IQCH: variants seen among roughly 807,000 people sequenced by gnomAD.
The protein encoded by IQCH is IQ domain-containing protein H.
IQCH carries 98 observed loss-of-function variants against 117.0 expected under a neutral mutation model. The observed-to-expected ratio is 0.84, with a 90% CI of 0.71 to 0.99. The LOEUF (loss-of-function observed/expected upper bound fraction) is 0.99, where lower values mean the gene tolerates loss of function less well. Ranked by LOEUF, IQCH falls within the 50% of genes least tolerant of loss-of-function variation. The probability of loss-of-function intolerance (pLI) is 0.00; values close to 1 mark genes in which losing one functional copy is unlikely to be tolerated. For missense variants in IQCH, 1,102 were observed against 1,243.8 expected (o/e 0.89, Z 1.72); for synonymous variants, 412 against 448.2 (o/e 0.92, Z 1.02).
rs754328443 is a variant in IQCH, at chr15:67,388,870, T to C, written c.1496T>C (p.Met499Thr). 206 of 1,613,772 alleles carry C rather than the reference T, an allele frequency of 1.3e-4. No homozygotes were observed. Among genetic ancestry groups the C allele is most frequent in the Non-Finnish European group, 4.7e-5 (55 of 1,179,826 alleles). The change falls in exon 12 of 21, where the codon ATG becomes ACG. Residue 499 changes from methionine to threonine, a missense_variant. Met to Thr is a moderately conservative substitution (Grantham distance 81). Coordinates refer to ENST00000335894, the MANE Select transcript of IQCH (RefSeq NM_001031715.3). The surrounding 1 kb of genome is among the most constrained non-coding windows in gnomAD (Gnocchi z 5.5). Reference sequence around the variant, plus strand: ...GTCATCTACATCTGCTCCCATCATATGAATGACGAGTTAGTGCTGTATTAC... The same window carrying C: ...GTCATCTACATCTGCTCCCATCATACGAATGACGAGTTAGTGCTGTATTAC... ...VNVIYICSHHMNDELVLYYKK... is the reference protein window; with the variant it reads ...VNVIYICSHHTNDELVLYYKK...
In IQCH at chr15:67,490,035, G is replaced by A; in HGVS notation, c.2832G>A (p.Glu944=). Residue 944 remains glutamate, a synonymous_variant, in exon 19 of 21, where the codon GAG becomes GAA. Coordinates refer to ENST00000335894, the MANE Select transcript of IQCH (RefSeq NM_001031715.3). The surrounding 1 kb of genome is among the most constrained non-coding windows in gnomAD (Gnocchi z 4.9). Reference sequence around the variant, plus strand: ...AAGGAACTGTTTTTATATTATATGAGCACCTGAAGAGACACAAGTTGGGAA... The same window carrying A: ...AAGGAACTGTTTTTATATTATATGAACACCTGAAGAGACACAAGTTGGGAA... ...ERQGTVFILY[E]HLKRHKLGML... 6.2e-7 allele frequency: 1 copy of A among 1,612,178 alleles called. No individual in the cohort carries two copies. Among genetic ancestry groups the A allele is most frequent in the Non-Finnish European group, 8.5e-7 (1 of 1,178,422 alleles).
At chr15:67,378,608 C>T (rs1002003596) in intron 10 of IQCH, among the ~76,000 whole-genome samples, 2 of 151,932 alleles carry the variant, frequency 1.3e-5, no homozygotes, top group African/African-American at 2.4e-5. Flanking sequence ...CCCATGTAAT[C>T]GAAATCAACA....
At position 67,366,673 on chromosome 15, in the gene IQCH, A is replaced by C. The variant is rs1414673693; in HGVS notation, c.754-5438A>C. ...GCCTTTTATTCTCTTTGTAAAGGTT[A>C]AGGACTCTGACTTCCACTTTTAATT... On this transcript the variant is annotated intron_variant, in intron 8 of 20. Transcript: ENST00000335894. This position sits in a 1 kb window ranked among gnomAD's most constrained non-coding sequence, Gnocchi z 4.4. Among the ~76,000 whole-genome samples, 2 of 152,162 alleles carry C rather than the reference A, an allele frequency of 1.3e-5. No individual in the cohort carries two copies. The highest frequency in any genetic ancestry group is 2.9e-5 in the Non-Finnish European group (2 of 68,022).
chr15:67,344,042 T>C, intron 5 of IQCH, 21 bp from the exon 6 acceptor site: 1 of 1,606,120 alleles, frequency 6.2e-7, no homozygotes, highest in Non-Finnish European at 8.5e-7. Context: ...AAACTCACAT[T>C]TTATTAATGT....
Position 67,370,479 on chromosome 15 carries a change from C to T in IQCH, c.754-1632C>T, listed in dbSNP as rs1970487791. 6.6e-6 allele frequency among the ~76,000 whole-genome samples: 1 copy of T among 152,152 alleles called. No homozygotes were observed. The highest frequency in any genetic ancestry group is 6.5e-5 in the Admixed American group (1 of 15,282). On this transcript the variant is annotated intron_variant, in intron 8 of 20. Coordinates refer to ENST00000335894, the MANE Select transcript of IQCH (RefSeq NM_001031715.3). The surrounding 1 kb of genome is among the most constrained non-coding windows in gnomAD (Gnocchi z 5.6). Reference sequence around the variant, plus strand: ...AGAGACCGTTCCTGAAGGGAGGGAGCAATGTGGCCATAGAGGCCATTTCTG... The same window carrying T: ...AGAGACCGTTCCTGAAGGGAGGGAGTAATGTGGCCATAGAGGCCATTTCTG...
At chr15:67,311,293 G>A (rs989246095) in intron 4 of IQCH, among the ~76,000 whole-genome samples, 2 of 151,834 alleles carry the variant, frequency 1.3e-5, no homozygotes, top group African/African-American at 4.8e-5. Flanking sequence ...AAAGTTTCTG[G>A]ATCATTTTAA....
chr15:67,428,210 A>G (rs892188810), intron 16 of IQCH, among the ~76,000 whole-genome samples: 1 of 152,234 alleles, frequency 6.6e-6, no homozygotes, highest in Admixed American at 6.5e-5. Flanking sequence ...ATGTTTTTAA[A>G]GAATATTTAA....
chr15:67,336,959 A>T lies in IQCH; in HGVS notation c.388-16A>T. On this transcript the variant is annotated splice_polypyrimidine_tract_variant and intron_variant, in intron 4 of 20. Coordinates refer to ENST00000335894, the MANE Select transcript of IQCH (RefSeq NM_001031715.3). ...AAGGCAAAAATGTTTGCTGAAACAA[A>T]TTTTTTATTATCTAGATAAAGGTTT... 2 of 1,611,578 alleles carry T rather than the reference A, an allele frequency of 1.2e-6. No individual in the cohort carries two copies. The highest frequency in any genetic ancestry group is 1.3e-5 in the African/African-American group (1 of 74,872).
chr15:67,483,838 G>C (rs1321541071), intron 18 of IQCH, among the ~76,000 whole-genome samples: 1 of 152,164 alleles, frequency 6.6e-6, no homozygotes, highest in East Asian at 1.9e-4. Flanking sequence ...CTCATACCTG[G>C]TGGAATGAAC....
chr15:67,385,035 T>G lies in IQCH; in HGVS notation c.1456+16T>G, dbSNP rs762970757. On this transcript the variant is annotated intron_variant, in intron 11 of 20. Coordinates refer to ENST00000335894, the MANE Select transcript of IQCH (RefSeq NM_001031715.3). The surrounding 1 kb of genome is among the most constrained non-coding windows in gnomAD (Gnocchi z 4.6). ...GACATCTTAGGTACAGTAAATAGTT[T>G]TACACAAATGACTCTTTGGAATGTT... 1 of 1,471,272 alleles carries G rather than the reference T, an allele frequency of 6.8e-7. No individual in the cohort carries two copies. The highest frequency in any genetic ancestry group is 1.7e-5 in the Admixed American group (1 of 59,426). 91.1% of individuals were successfully genotyped at this position (1,471,272 alleles called of 1,614,324 possible).
At chr15:67,256,262 A>G (rs375910719) in intron 1 of IQCH, among the ~76,000 whole-genome samples, 17 of 152,332 alleles carry the variant, frequency 1.1e-4, no homozygotes, top group African/African-American at 4.1e-4. Context: ...TGACGTCATT[A>G]CCTGCATTAC....
At chr15:67,486,038 C>CTTTTT (rs55963427) in intron 18 of IQCH, among the ~76,000 whole-genome samples, 15 of 106,298 alleles carry the variant, frequency 1.4e-4, no homozygotes, top group Admixed American at 3.7e-4. Flanking sequence ...GCTAAGTTTT[C>CTTTTT]TTTTTTTTTT....
At chr15:67,379,718 GTC>G (rs2140813819) in intron 10 of IQCH, among the ~76,000 whole-genome samples, 1 of 152,236 alleles carries the variant, frequency 6.6e-6, no homozygotes, top group East Asian at 1.9e-4. Context: ...CTCATTCACT[GTC>G]TCTCTCCTGC....
Position 67,494,158 on chromosome 15 carries a change from T to G in IQCH, c.2862-100T>G. The G allele has an allele frequency of 1.3e-6, 1 of 749,080 alleles. No individual in the cohort carries two copies. Among genetic ancestry groups the G allele is most frequent in the South Asian group, 2.2e-5 (1 of 45,104 alleles). The allele number at this position is 749,080 out of a possible 1,614,324, so 46.4% of individuals were successfully genotyped here. A position where few individuals can be genotyped will look rare whatever the true frequency, so the allele number is the denominator to read the frequency against. Reference sequence around the variant, plus strand: ...CACCTTGTGAGATTGAAAATACTCATTAAATTCCATCACCAGACAGGCACA... The same window carrying G: ...CACCTTGTGAGATTGAAAATACTCAGTAAATTCCATCACCAGACAGGCACA... On this transcript the variant is annotated intron_variant, in intron 19 of 20. Coordinates refer to ENST00000335894, the MANE Select transcript of IQCH (RefSeq NM_001031715.3). The surrounding 1 kb of genome is among the most constrained non-coding windows in gnomAD (Gnocchi z 5.5).
In IQCH at chr15:67,490,215, T is replaced by C. The variant is rs2083609800; in HGVS notation, c.2861+151T>C. 1.5e-6 allele frequency: 1 copy of C among 669,466 alleles called. No individual in the cohort carries two copies. Among genetic ancestry groups the C allele is most frequent in the African/African-American group, 1.8e-5 (1 of 54,406 alleles). The allele number at this position is 669,466 out of a possible 1,614,324, so 41.5% of individuals were successfully genotyped here. The stretch of plus-strand genomic sequence containing the variant: ...GATCTTCAGGTATTTTATTTTATTC[T>C]ATTTTTTTGAGACGGAGCCTCACTC... On this transcript the variant is annotated intron_variant, in intron 19 of 20. Transcript: ENST00000335894. This position sits in a 1 kb window ranked among gnomAD's most constrained non-coding sequence, Gnocchi z 4.9.
intron 14 of IQCH, among the ~76,000 whole-genome samples, chr15:67,415,339 C>G (rs112277921): frequency 6.6e-6 from 1 of 152,172 alleles, no homozygotes; most frequent in Non-Finnish European, 1.5e-5. Context: ...TTCCCCAGCC[C>G]TTCTTAACAG....
intron 16 of IQCH, among the ~76,000 whole-genome samples, chr15:67,460,572 A>G (rs946868432): frequency 6.6e-6 from 1 of 152,214 alleles, no homozygotes; most frequent in Non-Finnish European, 1.5e-5. Flanking sequence ...TAATACTGAG[A>G]TAATTATTTT....
At chr15:67,312,961 T>TA (rs1452965694) in intron 4 of IQCH, among the ~76,000 whole-genome samples, 1 of 152,114 alleles carries the variant, frequency 6.6e-6, no homozygotes, top group Non-Finnish European at 1.5e-5. Context: ...AGAATAGAAG[T>TA]AAGTACCCAT....
At chr15:67,321,542 C>CTTCCTTTCT (rs929499594) in intron 4 of IQCH, among the ~76,000 whole-genome samples, 9 of 129,716 alleles carry the variant, frequency 6.9e-5, no homozygotes, top group African/African-American at 2.6e-4. Flanking sequence ...TCCTTCCTTC[C>CTTCCTTTCT]TTCCTTTCTT....
Sources: allele counts gnomAD v4.1 joint callset (sites outside exome capture counted in the v4.1 genomes callset), GRCh38; gene constraint gnomAD v4.1.1; non-coding constraint Gnocchi (gnomAD v3.1); transcripts MANE v1.5; gene names NCBI Gene and HGNC (gene_info 2026-07-23, HGNC 2026-07-21).